ACAP2: variants seen among roughly 807,000 people sequenced by gnomAD.
The protein encoded by ACAP2 is arf-GAP with coiled-coil, ANK repeat and PH domain-containing protein 2.
A neutral mutation model predicts 115.8 loss-of-function variants in ACAP2; 39 were observed. The observed-to-expected ratio is 0.34, with a 90% CI of 0.26 to 0.44. The LOEUF (loss-of-function observed/expected upper bound fraction) is 0.44, where lower values mean the gene tolerates loss of function less well. ACAP2 is among the 20% of genes least tolerant of loss of function. The pLI is 1.00. For missense variants in ACAP2, 662 were observed against 927.6 expected (o/e 0.71, Z 3.72); for synonymous variants, 289 against 315.8 (o/e 0.92, Z 0.90).
chr3:195,321,498 C>T (rs115954275), intron 9 of ACAP2, among the ~76,000 whole-genome samples: 3,703 of 151,532 alleles, frequency 0.024, 141 homozygotes, highest in African/African-American at 0.083. Flanking sequence ...ACAGGCATCA[C>T]AACATTTTAT....
In ACAP2 at chr3:195,345,275, G is replaced by C; in HGVS notation, c.328C>G (p.Gln110Glu). 1 of 1,611,316 alleles carries C rather than the reference G, an allele frequency of 6.2e-7. No homozygotes were observed. Among genetic ancestry groups the C allele is most frequent in the Non-Finnish European group, 8.5e-7 (1 of 1,178,004 alleles). ...QTQRSIKAQL[Q>E]NFVKEDLRKF... Reference sequence around the variant, plus strand: ...TTGACTTACTCTTTAACAAAGTTCTGAAGCTGTGCCTTAATTGATCTCTGA... The same window carrying C: ...TTGACTTACTCTTTAACAAAGTTCTCAAGCTGTGCCTTAATTGATCTCTGA... The change falls in exon 5 of 23, where the codon CAG becomes GAG. Residue 110 changes from glutamine (Q) to glutamate (E), a missense_variant. Gln to Glu is a conservative substitution (Grantham distance 29). Coordinates refer to ENST00000326793, the MANE Select transcript of ACAP2 (RefSeq NM_012287.6).
At chr3:195,290,009 G>A (rs1727133359) in intron 20 of ACAP2, among the ~76,000 whole-genome samples, 1 of 151,952 alleles carries the variant, frequency 6.6e-6, no homozygotes, top group African/African-American at 2.4e-5. Context: ...AACTGAAAAA[G>A]AAATCTAAAA....
chr3:195,315,445 G>C (rs1729026552), intron 10 of ACAP2, among the ~76,000 whole-genome samples: 2 of 152,322 alleles, frequency 1.3e-5, no homozygotes, highest in South Asian at 4.1e-4. Context: ...AAGTGCTTCA[G>C]GAAGTTCTTT....
At chr3:195,301,276 C>T (rs112974777) in intron 15 of ACAP2, among the ~76,000 whole-genome samples, 2,031 of 152,012 alleles carry the variant, frequency 0.013, 34 homozygotes, top group African/African-American at 0.043. Context: ...TTAGTAGAGA[C>T]GGGGTTTCAC....
chr3:195,349,772 A>G (rs1731426585), intron 4 of ACAP2: 1 of 298,160 alleles, frequency 3.4e-6, no homozygotes, highest in Non-Finnish European at 6.5e-6. Context: ...GGCTTCAAGA[A>G]GCATGGCCCT....
At chr3:195,412,156 C>A (rs1187520387) in intron 1 of ACAP2, among the ~76,000 whole-genome samples, 3 of 127,970 alleles carry the variant, frequency 2.3e-5, no homozygotes, top group South Asian at 2.5e-4. Flanking sequence ...CAGAGTGAGA[C>A]CCTGTCTCAA....
intron 4 of ACAP2, among the ~76,000 whole-genome samples, chr3:195,350,649 G>GA (rs201607071): frequency 0.32 from 41,893 of 131,482 alleles, 7,033 homozygotes; most frequent in East Asian, 0.82. Flanking sequence ...ACTGTCTCAG[G>GA]AAAAAAAAAA....
At chr3:195,391,788 A>G (rs548204225) in intron 2 of ACAP2, among the ~76,000 whole-genome samples, 4 of 152,042 alleles carry the variant, frequency 2.6e-5, no homozygotes, top group African/African-American at 9.6e-5. Context: ...TGAGGTTAGG[A>G]GTTTGAGACC....
intron 21 of ACAP2, among the ~76,000 whole-genome samples, chr3:195,286,478 A>G (rs896890028): frequency 1.3e-5 from 2 of 152,196 alleles, no homozygotes; most frequent in Non-Finnish European, 2.9e-5. Flanking sequence ...GCAACATTTT[A>G]AAATAGGCAA....
chr3:195,288,067 C>A (rs1726963947), intron 21 of ACAP2, among the ~76,000 whole-genome samples: 1 of 151,622 alleles, frequency 6.6e-6, no homozygotes, highest in Admixed American at 6.6e-5. Flanking sequence ...CCATTGCACT[C>A]CAGCCTGGGC....
chr3:195,340,216 A>G (rs1319402151), intron 6 of ACAP2, among the ~76,000 whole-genome samples: 2 of 150,566 alleles, frequency 1.3e-5, no homozygotes, highest in Non-Finnish European at 1.5e-5. Context: ...AGGAATTTTC[A>G]AGACATTTTG....
chr3:195,437,850 C>A (rs192142514), intron 1 of ACAP2, among the ~76,000 whole-genome samples: 1 of 132,364 alleles, frequency 7.6e-6, no homozygotes, highest in Non-Finnish European at 1.6e-5. Context: ...AAAAAACCCA[C>A]ATTTTTAAAA....
At chr3:195,326,258 A>G (rs1729786741) in intron 9 of ACAP2, 1 of 152,274 alleles carries the variant, frequency 6.6e-6, no homozygotes, top group South Asian at 2.1e-4. Context: ...AAAAAGCACC[A>G]CTGACTTTAT....
rs1727711744 is a variant in ACAP2 at position 195,297,206 on chromosome 3, G to C, written c.1471C>G (p.Pro491Ala). The C allele has an allele frequency of 6.2e-7, 1 of 1,612,380 alleles. No homozygotes were observed. The highest frequency in any genetic ancestry group is 8.5e-7 in the Non-Finnish European group (1 of 1,179,374). The change falls in exon 16 of 23, where the codon CCC (proline) becomes GCC (alanine). Residue 491 changes from proline to alanine, a missense_variant. Pro to Ala is a conservative substitution (Grantham distance 27). Around this residue, in one of 3 missense-constraint regions of ACAP2, gnomAD observed 401 missense variants for 604.4 expected, o/e 0.66. Transcript: ENST00000326793. ...ANVEKMGIKK[P>A]QPGQRQEKEA... Reference sequence around the variant, plus strand: ...AAATAGTACCTTTGTCCTGGTTGGGGTTTCTTTATTCCCATTTTTTCCACA... The same window carrying C: ...AAATAGTACCTTTGTCCTGGTTGGGCTTTCTTTATTCCCATTTTTTCCACA...
intron 4 of ACAP2, among the ~76,000 whole-genome samples, chr3:195,373,914 C>G (rs1217725945): frequency 6.6e-6 from 1 of 152,000 alleles, no homozygotes; most frequent in Non-Finnish European, 1.5e-5. Context: ...GAGCAAGACT[C>G]TGTCTCAAAA....
At chr3:195,282,141 T>A (rs1726550250) in intron 22 of ACAP2, 1 of 152,234 alleles carries the variant, frequency 6.6e-6, no homozygotes. Flanking sequence ...CTATTAGCAA[T>A]GCATATTTTG....
rs1727607834 is a variant in ACAP2 at position 195,295,785 on chromosome 3, T to C, written c.1595A>G (p.Lys532Arg). 3.7e-6 allele frequency: 6 copies of C among 1,614,116 alleles called. No individual in the cohort carries two copies. Among genetic ancestry groups the C allele is most frequent in the Non-Finnish European group, 5.1e-6 (6 of 1,179,998 alleles). ...GCTCAGCCTCTTTTCTTCAGAACTT[T>C]TAGAGACAAACTTTTTTTGCTGCTC... ...PPEQQKKFVS[K>R]SSEEKRLSIS... Residue 532 changes from lysine (K) to arginine (R), a missense_variant, in exon 17 of 23, where the codon AAA becomes AGA. Coordinates refer to ENST00000326793, the MANE Select transcript of ACAP2 (RefSeq NM_012287.6).
At chr3:195,424,285 T>A (rs11710925) in intron 1 of ACAP2, among the ~76,000 whole-genome samples, 593 of 12,096 alleles carry the variant, frequency 0.049, no homozygotes, top group Middle Eastern at 0.14. Flanking sequence ...ATATATATAT[T>A]TTTTTTTTTT....
intron 1 of ACAP2, among the ~76,000 whole-genome samples, chr3:195,407,200 TA>T (rs10576564): frequency 0.24 from 34,794 of 142,870 alleles, 4,606 homozygotes; most frequent in African/African-American, 0.36. Flanking sequence ...ATTTTTAGTT[TA>T]AAAAAAAAAA....
Sources: allele counts gnomAD v4.1 joint callset (sites outside exome capture counted in the v4.1 genomes callset), GRCh38; gene constraint gnomAD v4.1.1; regional missense constraint gnomAD v4.1.1; transcripts MANE v1.5; gene names NCBI Gene and HGNC (gene_info 2026-07-23, HGNC 2026-07-21).